The following ZDHHC13 variants were observed in gnomAD, a reference collection of about 807,000 sequenced individuals.
The protein encoded by ZDHHC13 is palmitoyltransferase ZDHHC13.
ZDHHC13 carries 85 observed loss-of-function variants against 86.0 expected under a neutral mutation model. The ratio of observed to expected loss-of-function variants is 0.99; its 90% CI spans 0.83 to 1.18. The LOEUF (loss-of-function observed/expected upper bound fraction) is 1.18, where lower values mean the gene tolerates loss of function less well. Among genes scored for constraint, ZDHHC13 ranks in the 50% most tolerant of loss-of-function variants. The pLI is 0.00. For missense variants in ZDHHC13, 711 were observed against 730.2 expected (o/e 0.97, Z 0.30); for synonymous variants, 263 against 246.4 (o/e 1.07, Z -0.63).
At chr11:19,136,203 A>G (rs1319250731) in intron 1 of ZDHHC13, among the ~76,000 whole-genome samples, 1 of 152,226 alleles carries the variant, frequency 6.6e-6, no homozygotes, top group African/African-American at 2.4e-5. Flanking sequence ...TATGACTAGA[A>G]TAACCAATAC....
In ZDHHC13 at chr11:19,143,061, T is replaced by A; in HGVS notation, c.111T>A (p.Asn37Lys). 1 of 1,613,272 alleles carries A rather than the reference T, an allele frequency of 6.2e-7. No homozygotes were observed. Residue 37 changes from asparagine to lysine, a missense_variant, in exon 2 of 17, where the codon AAT becomes AAA. Physicochemically the swap from Asn to Lys is moderately conservative, Grantham distance 94. Coordinates refer to ENST00000446113, the MANE Select transcript of ZDHHC13 (RefSeq NM_019028.3). ...CACATGAAAACAAAGAACTTGCCAATGCAAGAGAAGCTCTTCCTCTTATAG... is the reference window on the plus strand; with the variant it reads ...CACATGAAAACAAAGAACTTGCCAAAGCAAGAGAAGCTCTTCCTCTTATAG... ...ICAHENKELANAREALPLIED... is the reference protein window; with the variant it reads ...ICAHENKELAKAREALPLIED...
chr11:19,172,166 C>T (rs1376348345), intron 15 of ZDHHC13, among the ~76,000 whole-genome samples: 6 of 152,104 alleles, frequency 3.9e-5, no homozygotes, highest in Admixed American at 6.5e-5. Flanking sequence ...TCCGCCTTCC[C>T]GTGTCAAGTG....
At chr11:19,135,271 G>T (rs561626877) in intron 1 of ZDHHC13, among the ~76,000 whole-genome samples, 1 of 152,324 alleles carries the variant, frequency 6.6e-6, no homozygotes, top group Non-Finnish European at 1.5e-5. Context: ...AAGCACAAGG[G>T]GTCAGGGAGT....
chr11:19,175,218 C>G (rs1272192200), intron 16 of ZDHHC13, among the ~76,000 whole-genome samples: 17 of 151,458 alleles, frequency 1.1e-4, no homozygotes, highest in African/African-American at 3.9e-4. Context: ...GAAACCCCGT[C>G]TCTACTAAAA....
At chr11:19,145,245 C>A (rs945600384) in intron 2 of ZDHHC13, among the ~76,000 whole-genome samples, 3 of 152,134 alleles carry the variant, frequency 2.0e-5, no homozygotes, top group African/African-American at 7.2e-5. Context: ...GTAGTTAAAT[C>A]TCTCTCAAGC....
At chr11:19,171,520 T>G (rs1023968620) in intron 15 of ZDHHC13, among the ~76,000 whole-genome samples, 1 of 152,200 alleles carries the variant, frequency 6.6e-6, no homozygotes, top group Non-Finnish European at 1.5e-5. Context: ...GAAACTGAGT[T>G]AATAATATTG....
intron 1 of ZDHHC13, among the ~76,000 whole-genome samples, chr11:19,137,065 A>T (rs996049417): frequency 6.6e-6 from 1 of 152,186 alleles, no homozygotes; most frequent in Admixed American, 6.5e-5. Context: ...CACACATAAC[A>T]GTATTAACTT....
Position 19,164,279 on chromosome 11 carries a change from G to A in ZDHHC13, c.1234-22G>A, listed in dbSNP as rs769264152. The A allele has an allele frequency of 4.3e-6, 7 of 1,611,762 alleles. No individual in the cohort carries two copies. The East Asian group carries it at 1.6e-4, about 36-fold the overall frequency. On this transcript the variant is annotated intron_variant, in intron 11 of 16. Transcript: ENST00000446113. ...CATTTTCCAATAAAATGTGGTAATA[G>A]GTCAAACTTCATGTCTTTCAGAATA... is the stretch of plus-strand genomic sequence containing the variant.
intron 10 of ZDHHC13, 90 bp downstream of exon 10, chr11:19,159,130 C>T (rs1849839597): frequency 2.4e-6 from 2 of 822,706 alleles, no homozygotes; most frequent in Admixed American, 5.7e-5. Flanking sequence ...TGGAAAAGGC[C>T]CAGGGAATGC....
rs565783650 is a variant in ZDHHC13 at position 19,147,779 on chromosome 11, C to A, written c.374+106C>A. 7 of 762,604 alleles carry A rather than the reference C, an allele frequency of 9.2e-6. No individual in the cohort carries two copies. In the African/African-American group the frequency reaches 1.3e-4, roughly 14 times the overall value. 47.2% of individuals were successfully genotyped at this position (762,604 alleles called of 1,614,324 possible). A position where few individuals can be genotyped will look rare whatever the true frequency, so the allele number is the denominator to read the frequency against. On this transcript the variant is annotated intron_variant, in intron 4 of 16. Transcript: ENST00000446113. ...TGAAAGGCTGTCTTTTCTTCCCCCC[C>A]CCCCTTTATTTAAAAATAAATTTCA...
chr11:19,134,145 T>C (rs1849070783), intron 1 of ZDHHC13, among the ~76,000 whole-genome samples: 1 of 151,954 alleles, frequency 6.6e-6, no homozygotes, highest in African/African-American at 2.4e-5. Flanking sequence ...TTCTGATACA[T>C]TTATTTAAAA....
At chr11:19,150,840 C>G (rs1849589275) in intron 6 of ZDHHC13, 49 bp downstream of exon 6, 1 of 1,534,116 alleles carries the variant, frequency 6.5e-7, no homozygotes, top group South Asian at 1.2e-5. Flanking sequence ...CCAACTATTT[C>G]TTTTCTGTGT....
chr11:19,171,754 G>A (rs1850227437), intron 15 of ZDHHC13, among the ~76,000 whole-genome samples: 1 of 151,988 alleles, frequency 6.6e-6, no homozygotes, highest in Non-Finnish European at 1.5e-5. Flanking sequence ...TAATTTTTTA[G>A]AAAAAGGTCA....
At chr11:19,149,937 G>A (rs1377913726) in intron 5 of ZDHHC13, among the ~76,000 whole-genome samples, 1 of 152,340 alleles carries the variant, frequency 6.6e-6, no homozygotes, top group African/African-American at 2.4e-5. Flanking sequence ...TGGAATGATT[G>A]TGCTCCCTTT....
At chr11:19,147,548 G>A (rs1849497306) in intron 3 of ZDHHC13, 48 bp from the exon 4 acceptor site, 1 of 1,479,538 alleles carries the variant, frequency 6.8e-7, no homozygotes, top group Non-Finnish European at 9.2e-7. Context: ...TTCTCAATAT[G>A]AAGCTTAAGT....
intron 15 of ZDHHC13, among the ~76,000 whole-genome samples, chr11:19,172,088 T>A (rs1054519960): frequency 4.6e-5 from 7 of 152,226 alleles, no homozygotes; most frequent in Non-Finnish European, 1.0e-4. Flanking sequence ...TTATTTATTT[T>A]TTGAGACAGA....
chr11:19,164,074 TGGTGGGGTG>T (rs1849987418), intron 11 of ZDHHC13, among the ~76,000 whole-genome samples: 1 of 151,758 alleles, frequency 6.6e-6, no homozygotes, highest in South Asian at 2.1e-4. Flanking sequence ...TAGGTGGGAG[TGGTGGGGTG>T]GTATAATTTT....
chr11:19,152,361 G>C, intron 7 of ZDHHC13, 41 bp downstream of exon 7: 1 of 1,589,734 alleles, frequency 6.3e-7, no homozygotes, highest in South Asian at 1.1e-5. Context: ...ATTATATCTT[G>C]AGTTAGAAGA....
At chr11:19,150,276 A>G (rs955227205) in intron 5 of ZDHHC13, among the ~76,000 whole-genome samples, 1 of 152,182 alleles carries the variant, frequency 6.6e-6, no homozygotes, top group African/African-American at 2.4e-5. Flanking sequence ...AAAACTTAAT[A>G]TGATAAGTCC....
Sources: gnomAD v4.1 joint callset for allele counts (sites outside exome capture counted in the v4.1 genomes callset) on GRCh38, gnomAD v4.1.1 for gene constraint, MANE v1.5 for transcripts, NCBI Gene and HGNC (gene_info 2026-07-23, HGNC 2026-07-21) for gene names.